Variants in ABCA10 observed in about 807,000 individuals in gnomAD.
ABCA10 encodes the protein ATP binding cassette subfamily A member 10, also known as ATP-binding cassette sub-family A member 10.
Under a neutral mutation model 187.5 loss-of-function variants are expected in ABCA10, and 169 were observed. The ratio of observed to expected loss-of-function variants is 0.90; its 90% CI spans 0.80 to 1.02. ABCA10 has a LOEUF of 1.02. Among genes scored for constraint, ABCA10 ranks in the 50% least tolerant of loss-of-function variants. ABCA10 has a pLI of 0.00. For missense variants in ABCA10, 1,727 were observed against 1,812.4 expected (o/e 0.95, Z 0.86); for synonymous variants, 574 against 601.8 (o/e 0.95, Z 0.68).
At chr17:69,202,372 G>A (rs1159661999) in intron 9 of ABCA10, among the ~76,000 whole-genome samples, 1 of 152,116 alleles carries the variant, frequency 6.6e-6, no homozygotes, top group Admixed American at 6.5e-5. Flanking sequence ...ATAATTCACT[G>A]TAAAATAAAA....
In ABCA10 at chr17:69,154,170, C is replaced by T. The variant is rs557508194; in HGVS notation, c.3786+65G>A. 3.4e-6 allele frequency: 5 copies of T among 1,464,096 alleles called. No homozygotes were observed. The Admixed American group carries it at 1.1e-4, about 32-fold the overall frequency. 90.7% of individuals were successfully genotyped at this position (1,464,096 alleles called of 1,614,324 possible). ...ATTTTTTAAAAAGATATTTGATTTACTGATAGGAATAATAGAAAGATGTCA... is the reference window on the plus strand; with the variant it reads ...ATTTTTTAAAAAGATATTTGATTTATTGATAGGAATAATAGAAAGATGTCA... On this transcript the variant is annotated intron_variant, in intron 31 of 38. Coordinates refer to ENST00000690296, the MANE Select transcript of ABCA10 (RefSeq NM_001377321.1).
chr17:69,209,833 G>A (rs72853625), intron 9 of ABCA10, among the ~76,000 whole-genome samples: 1,835 of 152,218 alleles, frequency 0.012, 17 homozygotes, highest in Non-Finnish European at 0.016. Flanking sequence ...GCATGTTACT[G>A]TACTCTATAC....
intron 10 of ABCA10, 80 bp downstream of exon 10, chr17:69,201,420 C>T: frequency 8.1e-7 from 1 of 1,233,388 alleles, no homozygotes; most frequent in Non-Finnish European, 1.1e-6. Flanking sequence ...AACACATAAT[C>T]TATATCAACA....
At chr17:69,220,363 T>C (rs2074738902) in intron 5 of ABCA10, among the ~76,000 whole-genome samples, 3 of 152,084 alleles carry the variant, frequency 2.0e-5, no homozygotes, top group Admixed American at 6.5e-5. Flanking sequence ...AACAAATAAA[T>C]AGACTGTAGA....
At chr17:69,170,566 C>A (rs918944911) in intron 25 of ABCA10, among the ~76,000 whole-genome samples, 1 of 151,752 alleles carries the variant, frequency 6.6e-6, no homozygotes, top group African/African-American at 2.4e-5. Flanking sequence ...TATATTTATT[C>A]TTCCATCTGC....
chr17:69,209,665 T>C (rs1266549765), intron 9 of ABCA10, among the ~76,000 whole-genome samples: 2 of 152,266 alleles, frequency 1.3e-5, no homozygotes, highest in African/African-American at 4.8e-5. Flanking sequence ...AGATTTTTTA[T>C]GGAGCTAAAT....
Position 69,150,012 on chromosome 17 carries a change from T to C in ABCA10, c.4449A>G (p.Leu1483=). The change falls in exon 37 of 39, where the codon CTA becomes CTG. Residue 1483 remains leucine, a synonymous_variant. Coordinates refer to ENST00000690296, the MANE Select transcript of ABCA10 (RefSeq NM_001377321.1). ...CCTCTAACTTGAAAAAGGCCCGAGA[T>C]AGAGGGTGGACATCCTCCACAGGTA... ...YKLPVEDVHP[L]SRAFFKLEAM... 1.9e-6 allele frequency: 3 copies of C among 1,613,076 alleles called. No homozygotes were observed. Among genetic ancestry groups the C allele is most frequent in the Non-Finnish European group, 2.5e-6 (3 of 1,179,316 alleles).
intron 22 of ABCA10, 21 bp from the exon 23 acceptor site, chr17:69,175,534 A>C: frequency 6.5e-7 from 1 of 1,548,396 alleles, no homozygotes; most frequent in Non-Finnish European, 8.8e-7. Context: ...AAAACACATC[A>C]GTAAGCTGTT....
At chr17:69,226,332 T>G (rs1429850911) in intron 2 of ABCA10, among the ~76,000 whole-genome samples, 2 of 151,988 alleles carry the variant, frequency 1.3e-5, no homozygotes, top group African/African-American at 4.8e-5. Flanking sequence ...TAAATTCTAG[T>G]GAGTAATAAA....
At chr17:69,235,223 G>A in intron 1 of ABCA10, among the ~76,000 whole-genome samples, 1 of 152,144 alleles carries the variant, frequency 6.6e-6, no homozygotes, top group Admixed American at 6.5e-5. Context: ...ACTAGATTCT[G>A]TGCCATTTGG....
Position 69,153,506 on chromosome 17 carries a change from G to A in ABCA10, c.4006C>T (p.Pro1336Ser), listed in dbSNP as rs142796433. 33 of 1,613,974 alleles carry A rather than the reference G, an allele frequency of 2.0e-5. No individual in the cohort carries two copies. The highest frequency in any genetic ancestry group is 2.8e-5 in the Non-Finnish European group (33 of 1,180,010). The stretch of plus-strand genomic sequence containing the variant: ...ATTCCCTCTGATAGAGTTTTCACAG[G>A]AGCCTTAAGTTGTTCCTGGAGCTTA... ...ALKLQEQLKA[P>S]VKTLSEGIKR... Residue 1336 changes from proline to serine, a missense_variant, in exon 33 of 39, where the codon CCT becomes TCT. Physicochemically the swap from Pro to Ser is moderately conservative, Grantham distance 74 (BLOSUM62 -1). Coordinates refer to ENST00000690296, the MANE Select transcript of ABCA10 (RefSeq NM_001377321.1).
chr17:69,217,148 G>A (rs1437168013), intron 6 of ABCA10, among the ~76,000 whole-genome samples: 2 of 151,964 alleles, frequency 1.3e-5, no homozygotes, highest in African/African-American at 2.4e-5. Context: ...TAGGGAGGCT[G>A]AGGCAGGAGA....
At chr17:69,162,754 C>T (rs1002379360) in intron 27 of ABCA10, among the ~76,000 whole-genome samples, 1 of 150,998 alleles carries the variant, frequency 6.6e-6, no homozygotes, top group Non-Finnish European at 1.5e-5. Flanking sequence ...TGATTGGTAT[C>T]GTTGCTTACA....
rs956900768 is a variant in ABCA10 at position 69,159,745 on chromosome 17, T to G, written c.3364-2822A>C. 3.9e-5 allele frequency among the ~76,000 whole-genome samples: 6 copies of G among 152,264 alleles called. No homozygotes were observed. In the South Asian group the frequency reaches 8.3e-4, roughly 21 times the overall value. On this transcript the variant is annotated intron_variant, in intron 27 of 38. Coordinates refer to ENST00000690296, the MANE Select transcript of ABCA10 (RefSeq NM_001377321.1). ...CAAATTGCCTTAATGTGGCCATCAT[T>G]ACATTAAAAAGGGAGACAATAAAAT...
intron 28 of ABCA10, 78 bp from the exon 29 acceptor site, chr17:69,156,003 AATT>A (rs1335388525): frequency 1.4e-6 from 2 of 1,434,826 alleles, no homozygotes; most frequent in Admixed American, 2.2e-5. Flanking sequence ...CCTATAATTA[AATT>A]ATTATCCTTT....
Position 69,182,187 on chromosome 17 carries a change from T to C in ABCA10, c.2735A>G (p.Glu912Gly), listed in dbSNP as rs1252321424. ...TGAAGTGCTCTCCATTTGAATAAGC[T>C]CCGTGAAGTTAAAAATTCCCATAAG... ...NALMGIFNFT[E>G]LIQMESTSFS... The change falls in exon 22 of 39, where the codon GAG becomes GGG. Residue 912 changes from glutamate to glycine, a missense_variant. Coordinates refer to ENST00000690296, the MANE Select transcript of ABCA10 (RefSeq NM_001377321.1). The C allele has an allele frequency of 6.3e-7, 1 of 1,593,252 alleles. No individual in the cohort carries two copies. Among genetic ancestry groups the C allele is most frequent in the Non-Finnish European group, 8.5e-7 (1 of 1,170,028 alleles).
chr17:69,150,379 T>G (rs2074119046), intron 36 of ABCA10: 2 of 198,956 alleles, frequency 1.0e-5, no homozygotes, highest in South Asian at 1.0e-4. Context: ...TCTAGAATGT[T>G]TACATTACCT....
In ABCA10 at chr17:69,193,548, C is replaced by T. The variant is rs1212761498; in HGVS notation, c.1586G>A (p.Ser529Asn). Reference sequence around the variant, plus strand: ...TGTTAGTTTTCTCTTCTGCCCACCACTTAATTTTTTAGCAATAATGTCTTG... The same window carrying T: ...TGTTAGTTTTCTCTTCTGCCCACCATTTAATTTTTTAGCAATAATGTCTTG... ...SIQDIIAKKL[S>N]GGQKRKLTLG... The change falls in exon 14 of 39, where the codon AGT becomes AAT. Residue 529 changes from serine to asparagine, a missense_variant. Ser to Asn is a conservative substitution (Grantham distance 46, BLOSUM62 1). Coordinates refer to ENST00000690296, the MANE Select transcript of ABCA10 (RefSeq NM_001377321.1). 6.2e-7 allele frequency: 1 copy of T among 1,613,560 alleles called. No individual in the cohort carries two copies. Among genetic ancestry groups the T allele is most frequent in the East Asian group, 2.2e-5 (1 of 44,784 alleles).
At position 69,148,779 on chromosome 17, in the gene ABCA10, C is replaced by T. The variant is rs1323316475; in HGVS notation, c.*48G>A. ...AAACATTCTTGTAGAATTATGGAAA[C>T]TAACAATGTAGTAGGACCTAAAATT... is the stretch of plus-strand genomic sequence containing the variant. On this transcript the variant is annotated 3_prime_UTR_variant, in exon 39 of 39. Coordinates refer to ENST00000690296, the MANE Select transcript of ABCA10 (RefSeq NM_001377321.1). The T allele has an allele frequency of 7.0e-7, 1 of 1,423,074 alleles. No individual in the cohort carries two copies. 88.2% of individuals were successfully genotyped at this position (1,423,074 alleles called of 1,614,324 possible). A position where few individuals can be genotyped will look rare whatever the true frequency, so the allele number is the denominator to read the frequency against.
Sources: allele counts gnomAD v4.1 joint callset (sites outside exome capture counted in the v4.1 genomes callset), GRCh38; gene constraint gnomAD v4.1.1; transcripts MANE v1.5; gene names NCBI Gene and HGNC (gene_info 2026-07-23, HGNC 2026-07-21).